Variants in MAPKAP1 observed in about 807,000 individuals in gnomAD.
MAPKAP1 encodes target of rapamycin complex 2 subunit MAPKAP1.
Under a neutral mutation model 65.7 loss-of-function variants are expected in MAPKAP1, and 20 were observed. That is an observed-to-expected ratio of 0.30 (90% CI 0.21 to 0.44). MAPKAP1 has a LOEUF of 0.44. Ranked by LOEUF, MAPKAP1 falls within the 20% of genes least tolerant of loss-of-function variation. MAPKAP1 has a pLI of 1.00. For missense variants in MAPKAP1, 423 were observed against 648.0 expected (o/e 0.65, Z 3.77); for synonymous variants, 222 against 244.3 (o/e 0.91, Z 0.85).
At chr9:125,587,714 A>C (rs769377390) in intron 4 of MAPKAP1, among the ~76,000 whole-genome samples, 2 of 152,274 alleles carry the variant, frequency 1.3e-5, no homozygotes, top group Non-Finnish European at 2.9e-5. Context: ...AAGAAGTCTT[A>C]TAATTCAATA....
intron 3 of MAPKAP1, among the ~76,000 whole-genome samples, chr9:125,668,557 A>G (rs895697976): frequency 4.6e-5 from 7 of 152,198 alleles, no homozygotes; most frequent in African/African-American, 1.7e-4. Flanking sequence ...TATTTCTTTT[A>G]AAGGAGAAGA....
At chr9:125,533,752 C>G (rs1829999279) in intron 7 of MAPKAP1, among the ~76,000 whole-genome samples, 1 of 152,138 alleles carries the variant, frequency 6.6e-6, no homozygotes, top group Non-Finnish European at 1.5e-5. Context: ...CTCGGCCAGG[C>G]ATAAACTTTT....
At chr9:125,581,474 G>A (rs917934894) in intron 5 of MAPKAP1, among the ~76,000 whole-genome samples, 3 of 152,172 alleles carry the variant, frequency 2.0e-5, no homozygotes, top group Non-Finnish European at 4.4e-5. Flanking sequence ...TCTGCCATCT[G>A]TATGCATATC....
At chr9:125,598,677 T>C (rs1323012479) in intron 4 of MAPKAP1, among the ~76,000 whole-genome samples, 1 of 152,144 alleles carries the variant, frequency 6.6e-6, no homozygotes, top group Non-Finnish European at 1.5e-5. Context: ...GCTCTGTGAG[T>C]CACTATTTTC....
chr9:125,665,707 G>A (rs1304357690), intron 3 of MAPKAP1, among the ~76,000 whole-genome samples: 1 of 152,016 alleles, frequency 6.6e-6, no homozygotes, highest in African/African-American at 2.4e-5. Flanking sequence ...AATTCCACAG[G>A]TGAGGCCTAG....
chr9:125,536,915 T>G lies in MAPKAP1; in HGVS notation c.958+6144A>C, dbSNP rs148534478. ...TTTAAGAAAGCTAGACATAAAACAT[T>G]AAAACTGACACCAATACAGACAAAT... On this transcript the variant is annotated intron_variant, in intron 7 of 11. Transcript: ENST00000265960. Among the ~76,000 whole-genome samples, 680 of 152,320 alleles carry G rather than the reference T, an allele frequency of 4.5e-3. 4 individuals are homozygous for G. The highest frequency in any genetic ancestry group is 0.015 in the African/African-American group (638 of 41,576).
chr9:125,636,288 A>G (rs1406313246), intron 4 of MAPKAP1, among the ~76,000 whole-genome samples: 7 of 152,234 alleles, frequency 4.6e-5, no homozygotes, highest in Non-Finnish European at 8.8e-5. Context: ...CCTGAAAGGG[A>G]CATATTAATA....
intron 4 of MAPKAP1, among the ~76,000 whole-genome samples, chr9:125,639,041 C>A (rs1475290088): frequency 6.6e-6 from 1 of 152,188 alleles, no homozygotes; most frequent in East Asian, 1.9e-4. Context: ...GAGTTCGAGA[C>A]CAGCCTGGCC....
intron 5 of MAPKAP1, chr9:125,573,143 C>T (rs1332748184): frequency 6.7e-6 from 1 of 149,520 alleles, no homozygotes; most frequent in Non-Finnish European, 1.5e-5. Flanking sequence ...AGAGCAACTC[C>T]ATCTTAAATA....
intron 3 of MAPKAP1, among the ~76,000 whole-genome samples, chr9:125,660,126 T>C (rs1363903739): frequency 3.9e-5 from 6 of 152,200 alleles, no homozygotes; most frequent in Non-Finnish European, 8.8e-5. Flanking sequence ...ATCACTGGCA[T>C]TTCCCAAGGC....
At chr9:125,623,931 A>T (rs1265135542) in intron 4 of MAPKAP1, among the ~76,000 whole-genome samples, 152 of 5,364 alleles carry the variant, frequency 0.028, no homozygotes, top group Middle Eastern at 0.5. Flanking sequence ...CGGGAGGGAG[A>T]TGGGGGGGTC....
chr9:125,494,009 T>G (rs145495505), intron 8 of MAPKAP1, among the ~76,000 whole-genome samples: 2 of 152,296 alleles, frequency 1.3e-5, no homozygotes, highest in African/African-American at 4.8e-5. Context: ...TAATGGTATC[T>G]AAGGAGAACA....
At chr9:125,667,286 G>C (rs1834366194) in intron 3 of MAPKAP1, among the ~76,000 whole-genome samples, 1 of 152,106 alleles carries the variant, frequency 6.6e-6, no homozygotes, top group South Asian at 2.1e-4. Flanking sequence ...CATTGTAAAA[G>C]GGACTGATGC....
At chr9:125,686,471 T>C (rs1186978161) in intron 1 of MAPKAP1, among the ~76,000 whole-genome samples, 1 of 152,166 alleles carries the variant, frequency 6.6e-6, no homozygotes, top group Non-Finnish European at 1.5e-5. Flanking sequence ...CCTCATCTGT[T>C]CTTATGTCTG....
intron 1 of MAPKAP1, among the ~76,000 whole-genome samples, chr9:125,684,634 A>G (rs1834920479): frequency 2.6e-5 from 4 of 152,208 alleles, no homozygotes. Context: ...AAGGAGCGCC[A>G]AAGCCCAAAC....
chr9:125,553,642 T>C (rs1159929672), intron 6 of MAPKAP1, among the ~76,000 whole-genome samples: 1 of 152,180 alleles, frequency 6.6e-6, no homozygotes, highest in East Asian at 1.9e-4. Context: ...TGCCCATTTG[T>C]CTATGTAGTC....
chr9:125,527,656 G>A (rs571149960), intron 7 of MAPKAP1, among the ~76,000 whole-genome samples: 28 of 152,266 alleles, frequency 1.8e-4, no homozygotes, highest in Admixed American at 9.2e-4. Flanking sequence ...TTTGGAAAGT[G>A]AGTTTGCTTT....
intron 7 of MAPKAP1, among the ~76,000 whole-genome samples, chr9:125,517,490 C>T (rs967591276): frequency 6.6e-6 from 1 of 152,144 alleles, no homozygotes; most frequent in Non-Finnish European, 1.5e-5. Flanking sequence ...ATACCCATTT[C>T]TAGTCTTGTT....
At chr9:125,573,374 C>T (rs757701777) in intron 5 of MAPKAP1, among the ~76,000 whole-genome samples, 4 of 152,164 alleles carry the variant, frequency 2.6e-5, no homozygotes, top group Non-Finnish European at 4.4e-5. Flanking sequence ...CCCACCAGTG[C>T]CATGACAGTT....
Sources: gnomAD v4.1 joint callset for allele counts (sites outside exome capture counted in the v4.1 genomes callset) on GRCh38, gnomAD v4.1.1 for gene constraint, MANE v1.5 for transcripts, NCBI Gene and HGNC (gene_info 2026-07-23, HGNC 2026-07-21) for gene names.